PTPRD: variants seen among roughly 807,000 people sequenced by gnomAD.
PTPRD encodes protein tyrosine phosphatase receptor type D, also known as receptor-type tyrosine-protein phosphatase delta.
PTPRD carries 34 observed loss-of-function variants against 214.5 expected under a neutral mutation model. The observed-to-expected ratio is 0.16, with a 90% CI of 0.12 to 0.21. The LOEUF (loss-of-function observed/expected upper bound fraction) is 0.21. Ranked by LOEUF, PTPRD falls within the 10% of genes least tolerant of loss-of-function variation. The pLI is 1.00. For missense variants in PTPRD, 2,545 were observed against 2,398.7 expected (o/e 1.06, Z -1.27); for synonymous variants, 1,128 against 845.7 (o/e 1.33, Z -5.79).
chr9:8,668,950 C>T (rs1196485169), intron 12 of PTPRD, among the ~76,000 whole-genome samples: 4 of 152,118 alleles, frequency 2.6e-5, no homozygotes, highest in Non-Finnish European at 5.9e-5. Flanking sequence ...CAAGTACCTC[C>T]CCTCAGCCTG....
At chr9:9,416,749 G>C (rs543604892) in intron 8 of PTPRD, among the ~76,000 whole-genome samples, 2 of 152,086 alleles carry the variant, frequency 1.3e-5, no homozygotes, top group Admixed American at 6.6e-5. Flanking sequence ...TGATAGGCAG[G>C]AATACTCAGA....
At chr9:10,190,301 G>T (rs549038291) in intron 3 of PTPRD, among the ~76,000 whole-genome samples, 1 of 145,472 alleles carries the variant, frequency 6.9e-6, no homozygotes, top group Non-Finnish European at 1.5e-5. Flanking sequence ...GGAGGTGGAG[G>T]TTGCAGTGAA....
intron 4 of PTPRD, among the ~76,000 whole-genome samples, chr9:9,984,639 G>A (rs767060602): frequency 5.9e-5 from 9 of 152,116 alleles, no homozygotes; most frequent in Non-Finnish European, 1.0e-4. Flanking sequence ...GGTGCACATG[G>A]GCATTTACAC....
chr9:9,659,196 C>T (rs2096577148), intron 7 of PTPRD, among the ~76,000 whole-genome samples: 1 of 151,952 alleles, frequency 6.6e-6, no homozygotes, highest in African/African-American at 2.4e-5. Context: ...TTCATGCTTC[C>T]TATGTTTTTA....
Position 8,449,819 on chromosome 9 carries a change from G to T in PTPRD, c.3894C>A (p.Asp1298Glu). 6.2e-7 allele frequency: 1 copy of T among 1,613,944 alleles called. No individual in the cohort carries two copies. Among genetic ancestry groups the T allele is most frequent in the Non-Finnish European group, 8.5e-7 (1 of 1,179,900 alleles). Residue 1298 changes from aspartate to glutamate, a missense_variant, in exon 34 of 46, where the codon GAC becomes GAA. Transcript: ENST00000381196. ...TGTTCGGTATGCTGCTTTTTCTAGA[G>T]TCGGACTCTGCCCTCTTCCTATAGG... Reference protein sequence around the residue: ...LLYKRKRAESDSRKSSIPNNK... With the variant: ...LLYKRKRAESESRKSSIPNNK...
chr9:9,898,920 T>G (rs2075721957), intron 5 of PTPRD, among the ~76,000 whole-genome samples: 1 of 152,126 alleles, frequency 6.6e-6, no homozygotes. Flanking sequence ...AGGATTTTCT[T>G]GTTTTCTTTT....
At chr9:10,102,742 C>T (rs899526638) in intron 3 of PTPRD, among the ~76,000 whole-genome samples, 4 of 151,490 alleles carry the variant, frequency 2.6e-5, no homozygotes, top group Non-Finnish European at 5.9e-5. Context: ...TACCCAAGTG[C>T]TTCAAAATGA....
At chr9:10,323,452 G>T (rs1444905622) in intron 3 of PTPRD, among the ~76,000 whole-genome samples, 2 of 150,756 alleles carry the variant, frequency 1.3e-5, no homozygotes, top group Admixed American at 6.6e-5. Flanking sequence ...AATCCACTAT[G>T]CCTGGCTAAT....
At chr9:9,964,191 G>A (rs2094539730) in intron 4 of PTPRD, among the ~76,000 whole-genome samples, 1 of 140,364 alleles carries the variant, frequency 7.1e-6, no homozygotes, top group Admixed American at 7.3e-5. Context: ...CAAATTGGGG[G>A]AAAAAAGAAT....
intron 39 of PTPRD, among the ~76,000 whole-genome samples, chr9:8,354,363 G>C (rs1157876168): frequency 6.6e-6 from 1 of 152,032 alleles, no homozygotes; most frequent in Non-Finnish European, 1.5e-5. Context: ...ACCATGACTG[G>C]TAATGGTTGT....
intron 7 of PTPRD, among the ~76,000 whole-genome samples, chr9:9,627,845 C>T (rs1374946081): frequency 6.6e-6 from 1 of 152,070 alleles, no homozygotes; most frequent in Non-Finnish European, 1.5e-5. Context: ...AGGTACTATG[C>T]TAGGTGCTGA....
At chr9:8,995,300 C>T (rs1263299259) in intron 11 of PTPRD, among the ~76,000 whole-genome samples, 2 of 151,994 alleles carry the variant, frequency 1.3e-5, no homozygotes, top group Non-Finnish European at 2.9e-5. Context: ...GTTAGAAATA[C>T]ACATTGACCT....
intron 10 of PTPRD, among the ~76,000 whole-genome samples, chr9:9,130,516 A>C (rs1194692647): frequency 1.3e-5 from 2 of 152,174 alleles, no homozygotes; most frequent in African/African-American, 4.8e-5. Flanking sequence ...TGTTACAGTA[A>C]ATTCCAGAAA....
intron 10 of PTPRD, among the ~76,000 whole-genome samples, chr9:9,178,051 A>G (rs539152970): frequency 6.6e-6 from 1 of 152,162 alleles, no homozygotes; most frequent in African/African-American, 2.4e-5. Flanking sequence ...GATATTTTGC[A>G]TAGGAAATAG....
At chr9:8,628,089 T>C (rs1236522315) in intron 14 of PTPRD, among the ~76,000 whole-genome samples, 2 of 151,902 alleles carry the variant, frequency 1.3e-5, no homozygotes, top group Non-Finnish European at 2.9e-5. Context: ...ATAAAAATCC[T>C]TTTGTGTGAC....
intron 4 of PTPRD, among the ~76,000 whole-genome samples, chr9:10,001,348 T>C (rs1752633593): frequency 1.3e-5 from 2 of 152,138 alleles, no homozygotes; most frequent in African/African-American, 4.8e-5. Context: ...CAAAAGAATA[T>C]TTGAAGATAT....
At chr9:9,182,063 A>T (rs534367862) in intron 10 of PTPRD, among the ~76,000 whole-genome samples, 3 of 152,212 alleles carry the variant, frequency 2.0e-5, no homozygotes, top group East Asian at 3.9e-4. Context: ...GGGGTATCCA[A>T]GAAAGCTTTT....
At chr9:9,969,654 C>T (rs1193117234) in intron 4 of PTPRD, among the ~76,000 whole-genome samples, 1 of 152,186 alleles carries the variant, frequency 6.6e-6, no homozygotes, top group Non-Finnish European at 1.5e-5. Context: ...CTCATTAAAT[C>T]TGCTCCTTGG....
intron 11 of PTPRD, among the ~76,000 whole-genome samples, chr9:8,851,946 T>A (rs754444980): frequency 3.9e-5 from 6 of 152,170 alleles, no homozygotes; most frequent in Non-Finnish European, 8.8e-5. Flanking sequence ...TTAATATGTA[T>A]TACATGCACG....
Sources: gnomAD v4.1 joint callset for allele counts (sites outside exome capture counted in the v4.1 genomes callset) on GRCh38, gnomAD v4.1.1 for gene constraint, MANE v1.5 for transcripts, NCBI Gene and HGNC (gene_info 2026-07-23, HGNC 2026-07-21) for gene names.